Variants in GRAMD2A observed in about 807,000 individuals in gnomAD.
GRAMD2A encodes the protein GRAM domain containing 2A.
GRAMD2A carries 37 observed loss-of-function variants against 51.1 expected under a neutral mutation model. The ratio of observed to expected loss-of-function variants is 0.72; its 90% confidence interval spans 0.56 to 0.95. The LOEUF is 0.95. Among genes scored for constraint, GRAMD2A ranks in the 40% least tolerant of loss-of-function variants. GRAMD2A has a pLI of 0.00. For synonymous variants in GRAMD2A, 136 were observed against 157.1 expected (o/e 0.87, Z 1.01); for missense variants, 414 against 426.9 (o/e 0.97, Z 0.27).
chr15:72,195,102 T>A lies in GRAMD2A; in HGVS notation c.41+2629A>T, dbSNP rs28643436. Among the ~76,000 whole-genome samples, 659 of 152,300 alleles carry A rather than the reference T, an allele frequency of 4.3e-3. 6 individuals are homozygous for A. Among genetic ancestry groups the A allele is most frequent in the African/African-American group, 0.015 (632 of 41,572 alleles). On this transcript the variant is annotated intron_variant, in intron 1 of 11. Coordinates refer to ENST00000309731, the MANE Select transcript of GRAMD2A (RefSeq NM_001012642.3). ...CAAATTTTTTCACTCCACCAAAAGA[T>A]AAGGCACAGGCCCACTTGTCCAATC... is the stretch of plus-strand genomic sequence containing the variant.
intron 10 of GRAMD2A, chr15:72,162,661 C>A: frequency 3.2e-6 from 1 of 316,776 alleles, no homozygotes; most frequent in South Asian, 3.9e-5. Flanking sequence ...AGTCATCCTA[C>A]CCTCTCTCTC....
Position 72,163,850 on chromosome 15 carries a change from G to A in GRAMD2A, c.601-93C>T, listed in dbSNP as rs143708103. Reference sequence around the variant, plus strand: ...ACCAGGTTTATCAGAGTTTTCTCCAGATATTACCAAATATAGATGCCTAGC... The same window carrying A: ...ACCAGGTTTATCAGAGTTTTCTCCAAATATTACCAAATATAGATGCCTAGC... On this transcript the variant is annotated intron_variant, in intron 8 of 11. Transcript: ENST00000309731. 1.7e-5 allele frequency: 23 copies of A among 1,354,564 alleles called. No individual in the cohort carries two copies. In the African/African-American group the frequency reaches 2.4e-4, roughly 14 times the overall value. The allele number at this position is 1,354,564 out of a possible 1,614,324, so 83.9% of individuals were successfully genotyped here. A position where few individuals can be genotyped will look rare whatever the true frequency, so the allele number is the denominator to read the frequency against.
At chr15:72,165,440 G>A in intron 7 of GRAMD2A, 30 bp from the exon 8 acceptor site, 1 of 1,610,888 alleles carries the variant, frequency 6.2e-7, no homozygotes. Context: ...GCAGTCACTT[G>A]TCCATCTGGA....
intron 1 of GRAMD2A, among the ~76,000 whole-genome samples, chr15:72,171,838 T>TTA (rs1433884428): frequency 6.6e-6 from 1 of 151,594 alleles, no homozygotes; most frequent in Non-Finnish European, 1.5e-5. Context: ...CTTTTTTATT[T>TTA]TTTTTTTTTG....
At chr15:72,188,765 C>T (rs1007596553) in intron 1 of GRAMD2A, among the ~76,000 whole-genome samples, 13 of 152,192 alleles carry the variant, frequency 8.5e-5, no homozygotes, top group African/African-American at 3.1e-4. Flanking sequence ...TCACTGCAAC[C>T]TCCGACCCCC....
At chr15:72,196,951 C>G (rs2081809343) in intron 1 of GRAMD2A, among the ~76,000 whole-genome samples, 2 of 152,200 alleles carry the variant, frequency 1.3e-5, no homozygotes, top group Admixed American at 1.3e-4. Context: ...CTGTACCCGA[C>G]CTTAGGCTGT....
chr15:72,162,883 C>T (rs1156488987), intron 10 of GRAMD2A: 1 of 231,452 alleles, frequency 4.3e-6, no homozygotes, highest in African/African-American at 2.2e-5. Context: ...GGTCCTTAGA[C>T]AGAGGTAGAG....
At chr15:72,174,439 G>C (rs1000823778) in intron 1 of GRAMD2A, among the ~76,000 whole-genome samples, 7 of 152,132 alleles carry the variant, frequency 4.6e-5, no homozygotes, top group Admixed American at 2.0e-4. Context: ...ATCTCCTCCC[G>C]CTCTGTCCCA....
At chr15:72,165,667 C>T (rs922771846) in intron 7 of GRAMD2A, among the ~76,000 whole-genome samples, 5 of 151,534 alleles carry the variant, frequency 3.3e-5, no homozygotes, top group African/African-American at 1.2e-4. Flanking sequence ...AGTCATAGGG[C>T]ATGTTGGGAA....
rs2081546835 is a variant in GRAMD2A, at chr15:72,166,533, T to C, written c.543+99A>G. 2.4e-6 allele frequency: 2 copies of C among 830,438 alleles called. No individual in the cohort carries two copies. The highest frequency in any genetic ancestry group is 1.7e-5 in the Admixed American group (1 of 57,698). 51.4% of individuals were successfully genotyped at this position (830,438 alleles called of 1,614,324 possible). On this transcript the variant is annotated intron_variant, in intron 7 of 11. Coordinates refer to ENST00000309731, the MANE Select transcript of GRAMD2A (RefSeq NM_001012642.3). The surrounding 1 kb of genome is among the most constrained non-coding windows in gnomAD (Gnocchi z 4.1). ...ACTCCCCTCTCCCTGCCCCATTCCCTGTGCTGGAGAGATGGGCGACCTCCC... is the reference window on the plus strand; with the variant it reads ...ACTCCCCTCTCCCTGCCCCATTCCCCGTGCTGGAGAGATGGGCGACCTCCC...
chr15:72,163,503 T>G (rs1285877256), intron 9 of GRAMD2A, 27 bp from the exon 10 acceptor site: 1 of 1,594,534 alleles, frequency 6.3e-7, no homozygotes, highest in Admixed American at 1.7e-5. Flanking sequence ...AAAAAAAAAA[T>G]CAGCTCTCAG....
At chr15:72,187,930 G>A (rs1010996092) in intron 1 of GRAMD2A, among the ~76,000 whole-genome samples, 5 of 152,044 alleles carry the variant, frequency 3.3e-5, no homozygotes, top group African/African-American at 4.8e-5. Flanking sequence ...TGTATGTTAC[G>A]ACAGTATGAA....
chr15:72,176,854 C>CTT (rs60618044), intron 1 of GRAMD2A, among the ~76,000 whole-genome samples: 43 of 72,170 alleles, frequency 6.0e-4, no homozygotes, highest in African/African-American at 1.9e-3. Flanking sequence ...ACCTGCAGTG[C>CTT]TTTTTTTTTT....
At chr15:72,186,394 G>A (rs957104165) in intron 1 of GRAMD2A, among the ~76,000 whole-genome samples, 4 of 150,290 alleles carry the variant, frequency 2.7e-5, no homozygotes, top group Non-Finnish European at 5.9e-5. Context: ...GCGCCATCTC[G>A]GCTCACTGCA....
intron 9 of GRAMD2A, 62 bp downstream of exon 9, chr15:72,163,551 T>C: frequency 6.3e-7 from 1 of 1,593,672 alleles, no homozygotes; most frequent in Non-Finnish European, 8.5e-7. Flanking sequence ...TTTATGGAAC[T>C]GGGAAGACAG....
chr15:72,161,827 C>T lies in GRAMD2A; in HGVS notation c.*182G>A, dbSNP rs563567447. On this transcript the variant is annotated 3_prime_UTR_variant, in exon 12 of 12. Coordinates refer to ENST00000309731, the MANE Select transcript of GRAMD2A (RefSeq NM_001012642.3). ...GTAGAAGCCAGTTACTTTGTAAACACGTACTTCAGATCTCTCATAGAGGGA... is the reference window on the plus strand; with the variant it reads ...GTAGAAGCCAGTTACTTTGTAAACATGTACTTCAGATCTCTCATAGAGGGA... The T allele has an allele frequency of 2.3e-5, 15 of 639,814 alleles. No homozygotes were observed. The highest frequency in any genetic ancestry group is 1.2e-4 in the South Asian group (6 of 49,596). The allele number at this position is 639,814 out of a possible 1,614,324, so 39.6% of individuals were successfully genotyped here. A position where few individuals can be genotyped will look rare whatever the true frequency, so the allele number is the denominator to read the frequency against.
chr15:72,163,019 A>G, intron 10 of GRAMD2A: 1 of 471,232 alleles, frequency 2.1e-6, no homozygotes, highest in East Asian at 3.3e-5. Flanking sequence ...ACATCTCCAT[A>G]TCCTGCCCCT....
Position 72,165,314 on chromosome 15 carries a change from T to C in GRAMD2A, c.600+40A>G, listed in dbSNP as rs555172790. ...CCAGAAGCCTCAGAGCTCCAGGCAC[T>C]GTCAGTCCAGCAGTCTTTGCTCCCA... On this transcript the variant is annotated intron_variant, in intron 8 of 11. Transcript: ENST00000309731. 121 of 1,598,294 alleles carry C rather than the reference T, an allele frequency of 7.6e-5. 1 individual carries two copies. The South Asian group carries it at 1.0e-3, about 14-fold the overall frequency.
At chr15:72,183,953 C>T (rs916853776) in intron 1 of GRAMD2A, among the ~76,000 whole-genome samples, 2 of 152,246 alleles carry the variant, frequency 1.3e-5, no homozygotes, top group Non-Finnish European at 2.9e-5. Flanking sequence ...CTCTGTCCAC[C>T]AGCAAGGATG....
Sources: allele counts gnomAD v4.1 joint callset (sites outside exome capture counted in the v4.1 genomes callset), GRCh38; gene constraint gnomAD v4.1.1; non-coding constraint Gnocchi (gnomAD v3.1); transcripts MANE v1.5; gene names NCBI Gene and HGNC (gene_info 2026-07-23, HGNC 2026-07-21).